Variants in FOXP2 observed in about 807,000 individuals in gnomAD.
FOXP2 encodes the protein forkhead box protein P2.
Under a neutral mutation model 115.8 loss-of-function variants are expected in FOXP2, and 12 were observed. The observed-to-expected ratio is 0.10, with a 90% confidence interval of 0.07 to 0.17. FOXP2 has a LOEUF of 0.17. Among genes scored for constraint, FOXP2 ranks in the 10% least tolerant of loss-of-function variants. The pLI is 1.00. For missense variants in FOXP2, 629 were observed against 843.5 expected (o/e 0.75, Z 3.15); for synonymous variants, 328 against 297.7 (o/e 1.10, Z -1.05).
intron 3 of FOXP2, among the ~76,000 whole-genome samples, chr7:114,572,695 T>C (rs1474152361): frequency 6.6e-6 from 1 of 151,872 alleles, no homozygotes. Context: ...GTGAGGTGGC[T>C]TAACTGCTAA....
intron 2 of FOXP2, among the ~76,000 whole-genome samples, chr7:114,456,217 G>A (rs928071773): frequency 1.3e-5 from 2 of 152,170 alleles, no homozygotes; most frequent in African/African-American, 4.8e-5. Flanking sequence ...TGGGAGAAGG[G>A]GTTAGGTCAA....
intron 7 of FOXP2, among the ~76,000 whole-genome samples, 189 bp downstream of exon 7, chr7:114,642,812 ATTTT>A (rs869136743): frequency 8.3e-5 from 6 of 72,428 alleles, no homozygotes; most frequent in African/African-American, 4.3e-4. Context: ...ATATATATAT[ATTTT>A]TTTTTTTTTT....
At chr7:114,103,295 T>G (rs1394942986) in intron 1 of FOXP2, among the ~76,000 whole-genome samples, 1 of 152,052 alleles carries the variant, frequency 6.6e-6, no homozygotes, top group African/African-American at 2.4e-5. Flanking sequence ...AATGGGACAT[T>G]GGGAAGCTGA....
chr7:114,539,302 G>A (rs1302400957), intron 3 of FOXP2, among the ~76,000 whole-genome samples: 2 of 151,810 alleles, frequency 1.3e-5, no homozygotes, highest in Non-Finnish European at 2.9e-5. Context: ...TATTTATGTA[G>A]CGATAAAGAA....
rs143040711 is a variant in FOXP2 at position 114,609,352 on chromosome 7, C to T, written c.259-19188C>T. Among the ~76,000 whole-genome samples the T allele has an allele frequency of 8.7e-4, 133 of 152,070 alleles. 1 individual carries two copies. Among genetic ancestry groups the T allele is most frequent in the Non-Finnish European group, 9.9e-4 (67 of 67,986 alleles). On this transcript the variant is annotated intron_variant, in intron 3 of 16. Coordinates refer to ENST00000350908, the MANE Select transcript of FOXP2 (RefSeq NM_014491.4). Reference sequence around the variant, plus strand: ...AATGAGCAATGGGAAAAATAATGATCGTTCCATGCTTAATATATTTGTGAA... The same window carrying T: ...AATGAGCAATGGGAAAAATAATGATTGTTCCATGCTTAATATATTTGTGAA...
At chr7:114,398,143 G>A (rs1365171240) in intron 2 of FOXP2, among the ~76,000 whole-genome samples, 1 of 152,074 alleles carries the variant, frequency 6.6e-6, no homozygotes, top group Non-Finnish European at 1.5e-5. Flanking sequence ...TAAACTAAGA[G>A]CAGAGGGTTA....
intron 2 of FOXP2, among the ~76,000 whole-genome samples, chr7:114,291,868 ATATAGATAATATATAGAATATATAT>A (rs1562856837): frequency 7.4e-4 from 24 of 32,570 alleles, no homozygotes; most frequent in Admixed American, 1.1e-3. Context: ...TATATATAAT[ATATAGATAATATATAGAATATATAT>A]TATAGATAAT....
chr7:114,106,304 T>TA (rs1791113869), intron 1 of FOXP2, among the ~76,000 whole-genome samples: 1 of 151,910 alleles, frequency 6.6e-6, no homozygotes. Flanking sequence ...TGCCCTCCCT[T>TA]TAGTGATAAC....
intron 1 of FOXP2, among the ~76,000 whole-genome samples, chr7:114,097,392 T>C (rs1799675135): frequency 6.6e-6 from 1 of 152,194 alleles, no homozygotes; most frequent in Non-Finnish European, 1.5e-5. Context: ...GGTAGGTAGC[T>C]TTTGGAGTCA....
chr7:114,672,388 C>T (rs1284000459), intron 16 of FOXP2, among the ~76,000 whole-genome samples: 1 of 152,058 alleles, frequency 6.6e-6, no homozygotes, highest in Non-Finnish European at 1.5e-5. Context: ...AGTTCAAGAC[C>T]AGCCTGGCCA....
intron 1 of FOXP2, among the ~76,000 whole-genome samples, chr7:114,152,684 G>A (rs1354635897): frequency 6.6e-6 from 1 of 152,012 alleles, no homozygotes; most frequent in Non-Finnish European, 1.5e-5. Flanking sequence ...CTTCTGTTTG[G>A]GGCTTTGTTT....
chr7:114,396,641 T>A (rs1443708174), intron 2 of FOXP2, among the ~76,000 whole-genome samples: 1 of 151,750 alleles, frequency 6.6e-6, no homozygotes, highest in African/African-American at 2.4e-5. Context: ...AAGTATAGAG[T>A]AGAATGATGG....
intron 1 of FOXP2, among the ~76,000 whole-genome samples, chr7:114,235,716 C>T (rs1279352098): frequency 1.3e-5 from 2 of 152,126 alleles, no homozygotes; most frequent in Non-Finnish European, 2.9e-5. Context: ...TTTGGTTAAG[C>T]CTCCAATTTT....
chr7:114,542,989 C>T (rs1426710723), intron 3 of FOXP2, among the ~76,000 whole-genome samples: 2 of 151,842 alleles, frequency 1.3e-5, no homozygotes, highest in Non-Finnish European at 2.9e-5. Flanking sequence ...CGGGGTTTCA[C>T]CCTGTTGGCC....
At chr7:114,229,122 A>G (rs1165369762) in intron 1 of FOXP2, among the ~76,000 whole-genome samples, 4 of 151,452 alleles carry the variant, frequency 2.6e-5, no homozygotes, top group Non-Finnish European at 3.0e-5. Context: ...AACCAGATAG[A>G]CTTTAAGTCA....
chr7:114,174,451 T>C (rs1793233945), intron 1 of FOXP2, among the ~76,000 whole-genome samples: 1 of 152,022 alleles, frequency 6.6e-6, no homozygotes, highest in African/African-American at 2.4e-5. Context: ...TATTTATAAA[T>C]CCTTAAAAGG....
chr7:114,349,594 A>T (rs1476360679), intron 2 of FOXP2, among the ~76,000 whole-genome samples: 1 of 152,088 alleles, frequency 6.6e-6, no homozygotes, highest in East Asian at 1.9e-4. Flanking sequence ...TGTGTTATTT[A>T]AAGGACAATA....
intron 2 of FOXP2, among the ~76,000 whole-genome samples, chr7:114,509,897 A>C (rs1451678650): frequency 6.6e-6 from 1 of 151,830 alleles, no homozygotes; most frequent in African/African-American, 2.4e-5. Context: ...TGAGAGGGAA[A>C]GGGAAAAGAA....
At chr7:114,348,501 T>C (rs1248353738) in intron 2 of FOXP2, among the ~76,000 whole-genome samples, 2 of 152,056 alleles carry the variant, frequency 1.3e-5, no homozygotes, top group Non-Finnish European at 2.9e-5. Flanking sequence ...TTCTTATGCA[T>C]TTATATCTTC....
Sources: allele counts gnomAD v4.1 joint callset (sites outside exome capture counted in the v4.1 genomes callset), GRCh38; gene constraint gnomAD v4.1.1; transcripts MANE v1.5; gene names NCBI Gene and HGNC (gene_info 2026-07-23, HGNC 2026-07-21).